The following LHFPL3 variants were observed in gnomAD, a reference collection of about 807,000 sequenced individuals.
LHFPL3 encodes LHFPL tetraspan subfamily member 3 protein.
A neutral mutation model predicts 19.3 loss-of-function variants in LHFPL3; 5 were observed. That is an observed-to-expected ratio of 0.26 (90% confidence interval 0.14 to 0.54). LHFPL3 has a LOEUF of 0.54. LHFPL3 is among the 20% of genes least tolerant of loss of function. The pLI, the probability that LHFPL3 is intolerant of heterozygous loss-of-function variation, is 0.94. For synonymous variants in LHFPL3, 133 were observed against 126.2 expected (o/e 1.05, Z -0.36); for missense variants, 249 against 307.4 (o/e 0.81, Z 1.42).
intron 1 of LHFPL3, among the ~76,000 whole-genome samples, chr7:104,422,322 C>T (rs1023316716): frequency 3.9e-5 from 6 of 152,162 alleles, no homozygotes; most frequent in African/African-American, 1.4e-4. Flanking sequence ...GATTGTGCCA[C>T]TGCACTCCAG....
chr7:104,576,468 C>T (rs903941781), intron 1 of LHFPL3, among the ~76,000 whole-genome samples: 24 of 152,238 alleles, frequency 1.6e-4, no homozygotes, highest in African/African-American at 5.8e-4. Flanking sequence ...TAAGTAGACT[C>T]AAGTACCCTC....
intron 1 of LHFPL3, among the ~76,000 whole-genome samples, chr7:104,550,629 T>C (rs1794646994): frequency 1.3e-5 from 2 of 152,154 alleles, no homozygotes; most frequent in African/African-American, 2.4e-5. Flanking sequence ...GATGAGTCAC[T>C]GGAGTTTTCA....
chr7:104,470,652 A>G (rs1044594407), intron 1 of LHFPL3, among the ~76,000 whole-genome samples: 2 of 152,196 alleles, frequency 1.3e-5, no homozygotes, highest in Non-Finnish European at 2.9e-5. Context: ...CAGAGGGGCA[A>G]ATAGGGTAAG....
chr7:104,478,824 G>A (rs1202579079), intron 1 of LHFPL3, among the ~76,000 whole-genome samples: 1 of 152,136 alleles, frequency 6.6e-6, no homozygotes, highest in African/African-American at 2.4e-5. Context: ...ATGTCTTTGG[G>A]GATAGCAGGA....
chr7:104,824,299 T>G (rs867115694), intron 2 of LHFPL3, among the ~76,000 whole-genome samples: 71 of 19,186 alleles, frequency 3.7e-3, no homozygotes, highest in African/African-American at 0.012. Context: ...ATATATTATA[T>G]ATTATATATA....
chr7:104,834,787 G>A (rs191556717), intron 2 of LHFPL3, among the ~76,000 whole-genome samples: 25 of 152,082 alleles, frequency 1.6e-4, no homozygotes, highest in Non-Finnish European at 2.8e-4. Context: ...GGTTTCGGTG[G>A]AACATGCCCA....
At chr7:104,447,287 A>G (rs1309790903) in intron 1 of LHFPL3, among the ~76,000 whole-genome samples, 1 of 152,200 alleles carries the variant, frequency 6.6e-6, no homozygotes, top group Non-Finnish European at 1.5e-5. Context: ...TTCCAATGAT[A>G]ACTTACTTTA....
At chr7:104,713,930 C>T (rs2116223398) in intron 1 of LHFPL3, among the ~76,000 whole-genome samples, 1 of 152,286 alleles carries the variant, frequency 6.6e-6, no homozygotes, top group East Asian at 1.9e-4. Context: ...CCCCTCAGCT[C>T]TGCCTGGGGC....
intron 1 of LHFPL3, among the ~76,000 whole-genome samples, chr7:104,715,354 AT>A (rs1363018635): frequency 6.6e-6 from 1 of 152,168 alleles, no homozygotes; most frequent in Non-Finnish European, 1.5e-5. Flanking sequence ...AGTATGCAAT[AT>A]TTATTTTTTC....
At chr7:104,569,206 T>A (rs34244898) in intron 1 of LHFPL3, among the ~76,000 whole-genome samples, 2,523 of 152,332 alleles carry the variant, frequency 0.017, 53 homozygotes, top group East Asian at 0.12. Context: ...GTGTCTCTTA[T>A]GTTTATCTCT....
chr7:104,708,303 G>C (rs772066624), intron 1 of LHFPL3, among the ~76,000 whole-genome samples: 7 of 152,142 alleles, frequency 4.6e-5, no homozygotes, highest in Non-Finnish European at 8.8e-5. Flanking sequence ...CTCTATAGAG[G>C]AAACATATCT....
chr7:104,794,414 A>G (rs1477262349), intron 2 of LHFPL3, among the ~76,000 whole-genome samples: 3 of 152,208 alleles, frequency 2.0e-5, no homozygotes, highest in Non-Finnish European at 4.4e-5. Context: ...TAAATTTGCC[A>G]CATGGGGAAT....
chr7:104,586,039 TGTCA>T (rs1203716449), intron 1 of LHFPL3, among the ~76,000 whole-genome samples: 4 of 151,938 alleles, frequency 2.6e-5, no homozygotes, highest in African/African-American at 4.8e-5. Flanking sequence ...AGTTGAAGAG[TGTCA>T]GTCAGTTGAG....
At chr7:104,529,718 C>T (rs1035568833) in intron 1 of LHFPL3, among the ~76,000 whole-genome samples, 25 of 152,160 alleles carry the variant, frequency 1.6e-4, no homozygotes, top group Middle Eastern at 3.4e-3. Flanking sequence ...TGTCAGGAAC[C>T]GGGCTGGGCC....
intron 1 of LHFPL3, among the ~76,000 whole-genome samples, chr7:104,631,864 AT>A (rs1468284015): frequency 6.6e-6 from 1 of 152,176 alleles, no homozygotes; most frequent in South Asian, 2.1e-4. Context: ...GTGGAAGATG[AT>A]TTTAACTTAT....
At chr7:104,391,504 G>A (rs553455473) in intron 1 of LHFPL3, among the ~76,000 whole-genome samples, 295 of 152,226 alleles carry the variant, frequency 1.9e-3, no homozygotes, top group African/African-American at 6.6e-3. Context: ...TAGATGTGTG[G>A]TATTATTTCT....
rs1218708187 is a variant in LHFPL3 at position 104,895,860 on chromosome 7, G to A, written c.683-10327G>A. 5 of 152,184 alleles carry A rather than the reference G, an allele frequency of 3.3e-5. No individual in the cohort carries two copies. The East Asian group carries it at 9.6e-4, about 29-fold the overall frequency. The allele number at this position is 152,184 out of a possible 1,614,324, so 9.4% of individuals were successfully genotyped here. A position where few individuals can be genotyped will look rare whatever the true frequency, so the allele number is the denominator to read the frequency against. ...ATTGATGCCTGTCTTAGTCTGCTAGGGCTGCCATAAAAAATCCCACAGACC... is the reference window on the plus strand; with the variant it reads ...ATTGATGCCTGTCTTAGTCTGCTAGAGCTGCCATAAAAAATCCCACAGACC... On this transcript the variant is annotated intron_variant, in intron 2 of 2. Coordinates refer to ENST00000424859, the MANE Select transcript of LHFPL3 (RefSeq NM_199000.3).
At chr7:104,730,538 G>A (rs1163389790) in intron 1 of LHFPL3, among the ~76,000 whole-genome samples, 1 of 152,172 alleles carries the variant, frequency 6.6e-6, no homozygotes, top group Non-Finnish European at 1.5e-5. Context: ...CTGCATAAAT[G>A]TCTTCTTTTG....
chr7:104,647,025 C>A (rs1047066147), intron 1 of LHFPL3, among the ~76,000 whole-genome samples: 2 of 152,154 alleles, frequency 1.3e-5, no homozygotes, highest in African/African-American at 2.4e-5. Context: ...CCATCCTATG[C>A]CCAGTGAAAG....
Sources: allele counts gnomAD v4.1 joint callset (sites outside exome capture counted in the v4.1 genomes callset), GRCh38; gene constraint gnomAD v4.1.1; transcripts MANE v1.5; gene names NCBI Gene and HGNC (gene_info 2026-07-23, HGNC 2026-07-21).